CCDC195: variants seen among roughly 807,000 people sequenced by gnomAD.
CCDC195 encodes the protein coiled-coil domain containing 195, also known as coiled-coil domain-containing protein 195.
intron 1 of CCDC195, among the ~76,000 whole-genome samples, chr2:224,714,670 A>G (rs1689360198): frequency 6.6e-6 from 1 of 152,178 alleles, no homozygotes; most frequent in South Asian, 2.1e-4. Context: ...AGCAAATATT[A>G]TAAATGTCCA....
chr2:224,713,648 A>G (rs372143913), intron 1 of CCDC195, among the ~76,000 whole-genome samples: 2 of 152,230 alleles, frequency 1.3e-5, no homozygotes, highest in East Asian at 3.8e-4. Context: ...ATTACTTGCT[A>G]TTATAATAGC....
rs553051461 is a variant in CCDC195 at position 224,712,324 on chromosome 2, T to C, written c.236-2105A>G. 3.7e-4 allele frequency among the ~76,000 whole-genome samples: 57 copies of C among 152,358 alleles called. 2 individuals carry two copies. The South Asian group carries it at 9.5e-3, about 25-fold the overall frequency. ...TGTAAAGGGTTGTTTCTTTTATCTT[T>C]ACAGCGGCAAATTGCTTCAAGGTTC... is the stretch of plus-strand genomic sequence containing the variant. On this transcript the variant is annotated intron_variant, in intron 1 of 2. Coordinates refer to ENST00000638102, the Ensembl canonical transcript of CCDC195.
At position 224,706,815 on chromosome 2, in the gene CCDC195, C is replaced by A. The variant is rs113078479; in HGVS notation, c.483-2928G>T. Among the ~76,000 whole-genome samples, 731 of 151,666 alleles carry A rather than the reference C, an allele frequency of 4.8e-3. 7 individuals are homozygous for A. Among genetic ancestry groups the A allele is most frequent in the Non-Finnish European group, 6.0e-3 (408 of 67,932 alleles). On this transcript the variant is annotated intron_variant, in intron 2 of 2. Coordinates refer to ENST00000638102, the Ensembl canonical transcript of CCDC195. Reference sequence around the variant, plus strand: ...ATGAGCCACCGCGACCGACACCTGGCTGTAACTTTTTTTATGATAAACATT... The same window carrying A: ...ATGAGCCACCGCGACCGACACCTGGATGTAACTTTTTTTATGATAAACATT...
chr2:224,711,824 A>C (rs1025768601), intron 1 of CCDC195, among the ~76,000 whole-genome samples: 1 of 152,200 alleles, frequency 6.6e-6, no homozygotes, highest in Non-Finnish European at 1.5e-5. Flanking sequence ...AGAAGACTGA[A>C]TTGTAGGAGA....
intron 2 of CCDC195, among the ~76,000 whole-genome samples, chr2:224,706,904 T>C (rs1450720584): frequency 1.5e-4 from 23 of 149,330 alleles, no homozygotes; most frequent in Admixed American, 6.1e-4. Context: ...TATATATATA[T>C]ATACACACAC....
chr2:224,707,258 A>G (rs999556113), intron 2 of CCDC195, among the ~76,000 whole-genome samples: 1 of 152,352 alleles, frequency 6.6e-6, no homozygotes, highest in African/African-American at 2.4e-5. Context: ...TGTTATCCAC[A>G]CAAATTTATT....
chr2:224,708,342 TATTCC>T (rs1689254289), intron 2 of CCDC195, among the ~76,000 whole-genome samples: 1 of 152,204 alleles, frequency 6.6e-6, no homozygotes. Flanking sequence ...ATAAAGCATA[TATTCC>T]TTAGCATTCC....
chr2:224,704,620 T>TTTTTTC (rs1697216802), intron 2 of CCDC195, among the ~76,000 whole-genome samples: 1 of 139,170 alleles, frequency 7.2e-6, no homozygotes, highest in Non-Finnish European at 1.6e-5. Flanking sequence ...CTTTTTTTTT[T>TTTTTTC]TTTTTTCTTT....
chr2:224,710,830 T>C (rs1402476217), intron 1 of CCDC195, among the ~76,000 whole-genome samples: 3 of 152,084 alleles, frequency 2.0e-5, no homozygotes, highest in African/African-American at 7.2e-5. Flanking sequence ...TAATACATTC[T>C]AGGAAGGCAA....
At chr2:224,713,655 T>C (rs892875478) in intron 1 of CCDC195, among the ~76,000 whole-genome samples, 1 of 152,190 alleles carries the variant, frequency 6.6e-6, no homozygotes, top group East Asian at 1.9e-4. Context: ...GCTATTATAA[T>C]AGCACATAAC....
intron 1 of CCDC195, 47 bp from the exon 2 acceptor site, chr2:224,710,266 G>A (rs1689299120): frequency 2.5e-6 from 1 of 398,194 alleles, no homozygotes; most frequent in East Asian, 3.6e-5. Context: ...CTACCCTAAT[G>A]ACACTCACAA....
chr2:224,704,617 T>C (rs145812402), intron 2 of CCDC195, among the ~76,000 whole-genome samples: 1 of 140,504 alleles, frequency 7.1e-6, no homozygotes, highest in Non-Finnish European at 1.6e-5. Context: ...TTTCTTTTTT[T>C]TTTTTTTTTC....
chr2:224,716,216 C>G (rs1216101267), exon 1 of CCDC195: 1 of 398,594 alleles, frequency 2.5e-6, no homozygotes, highest in Non-Finnish European at 4.4e-6. Flanking sequence ...CTTCCTCCTC[C>G]CTTTCGTCTC....
chr2:224,704,381 G>T (rs904533222), intron 2 of CCDC195, among the ~76,000 whole-genome samples: 3 of 152,092 alleles, frequency 2.0e-5, no homozygotes, highest in Non-Finnish European at 4.4e-5. Flanking sequence ...TTTTCATTTT[G>T]CCTACTTCTC....
chr2:224,704,610 C>CTTTTTTTTTTTTTTTCTTTTTTTT (rs1697215999), intron 2 of CCDC195, among the ~76,000 whole-genome samples: 1 of 110,644 alleles, frequency 9.0e-6, no homozygotes, highest in Non-Finnish European at 1.7e-5. Context: ...CTTTTCTTTT[C>CTTTTTTTTTTTTTTTCTTTTTTTT]TTTTTTTTTT....
At chr2:224,706,215 T>TTTTTTG (rs1697239381) in intron 2 of CCDC195, among the ~76,000 whole-genome samples, 1 of 103,506 alleles carries the variant, frequency 9.7e-6, no homozygotes, top group Non-Finnish European at 2.0e-5. Flanking sequence ...TTTTTTTTTT[T>TTTTTTG]TTTTTTTTGA....
intron 2 of CCDC195, among the ~76,000 whole-genome samples, chr2:224,708,736 T>C (rs145797462): frequency 1.2e-3 from 179 of 152,348 alleles, no homozygotes; most frequent in African/African-American, 4.0e-3. Flanking sequence ...CTGAGTTCGA[T>C]GGTGCTCTGG....
chr2:224,708,359 C>T (rs879485378), intron 2 of CCDC195, among the ~76,000 whole-genome samples: 2 of 152,138 alleles, frequency 1.3e-5, no homozygotes, highest in African/African-American at 2.4e-5. Context: ...TAGCATTCCA[C>T]GAGTGGCCTT....
chr2:224,704,610 CTTTTTTTT>C (rs55801561), intron 2 of CCDC195, among the ~76,000 whole-genome samples: 8 of 110,644 alleles, frequency 7.2e-5, no homozygotes, highest in Admixed American at 3.2e-4. Flanking sequence ...CTTTTCTTTT[CTTTTTTTT>C]TTTTTTTTCT....
Sources: gnomAD v4.1 joint callset for allele counts (sites outside exome capture counted in the v4.1 genomes callset) on GRCh38, gnomAD v4.1.1 for gene constraint, MANE v1.5 for transcripts, NCBI Gene and HGNC (gene_info 2026-07-23, HGNC 2026-07-21) for gene names.